ATP1B3: variants seen among roughly 807,000 people sequenced by gnomAD.
ATP1B3 encodes ATPase Na+/K+ transporting subunit beta 3, also known as sodium/potassium-transporting ATPase subunit beta-3.
ATP1B3 carries 10 observed loss-of-function variants against 30.2 expected under a neutral mutation model. The ratio of observed to expected loss-of-function variants is 0.33; its 90% CI spans 0.20 to 0.56. ATP1B3 has a LOEUF of 0.56. Among genes scored for constraint, ATP1B3 ranks in the 20% least tolerant of loss-of-function variants. ATP1B3 has a pLI of 0.90. For synonymous variants in ATP1B3, 113 were observed against 117.0 expected (o/e 0.97, Z 0.22); for missense variants, 238 against 336.7 (o/e 0.71, Z 2.29).
At chr3:141,901,771 A>G (rs1377349668) in intron 1 of ATP1B3, among the ~76,000 whole-genome samples, 1 of 152,254 alleles carries the variant, frequency 6.6e-6, no homozygotes, top group Non-Finnish European at 1.5e-5. Context: ...TGTTCAAAAC[A>G]GTATTGTAAC....
intron 1 of ATP1B3, among the ~76,000 whole-genome samples, chr3:141,890,210 G>A (rs1196481231): frequency 2.1e-5 from 3 of 139,692 alleles, no homozygotes; most frequent in Non-Finnish European, 4.6e-5. Flanking sequence ...CGCCTCCTGA[G>A]TAGCTGGGAC....
intron 1 of ATP1B3, among the ~76,000 whole-genome samples, chr3:141,890,851 G>A (rs1933938649): frequency 6.6e-6 from 1 of 152,210 alleles, no homozygotes; most frequent in African/African-American, 2.4e-5. Flanking sequence ...GGGATCACAG[G>A]GGTGAGTCAC....
chr3:141,883,199 G>T (rs1417483598), intron 1 of ATP1B3, among the ~76,000 whole-genome samples: 1 of 152,070 alleles, frequency 6.6e-6, no homozygotes, highest in Non-Finnish European at 1.5e-5. Context: ...ACTCCTCTTT[G>T]CATTAAGGCC....
intron 6 of ATP1B3, 137 bp from the exon 7 acceptor site, chr3:141,925,394 A>G: frequency 6.1e-6 from 5 of 819,724 alleles, no homozygotes; most frequent in Non-Finnish European, 7.3e-6. Flanking sequence ...GGCTTCAATG[A>G]GCCATAATTG....
intron 3 of ATP1B3, among the ~76,000 whole-genome samples, chr3:141,910,514 TCATTATTGG>T (rs1934339870): frequency 6.6e-6 from 1 of 152,204 alleles, no homozygotes; most frequent in Non-Finnish European, 1.5e-5. Context: ...ATTTTTAGTT[TCATTATTGG>T]TTGCCTTTTT....
rs560767846 is a variant in ATP1B3, at chr3:141,910,402, C to T, written c.346+3128C>T. 2.6e-4 allele frequency among the ~76,000 whole-genome samples: 39 copies of T among 152,102 alleles called. No homozygotes were observed. In the South Asian group the frequency reaches 7.9e-3, roughly 31 times the overall value. On this transcript the variant is annotated intron_variant, in intron 3 of 6. Transcript: ENST00000286371. ...TTGACTTTTTACTTTTCTACATTAT[C>T]ACTTTTCTTTATTAATTATTATTTA...
At chr3:141,924,076 G>C (rs1454507388) in intron 6 of ATP1B3, among the ~76,000 whole-genome samples, 1 of 152,234 alleles carries the variant, frequency 6.6e-6, no homozygotes, top group African/African-American at 2.4e-5. Context: ...TGGCACGGTG[G>C]CTCACGCCTG....
rs569064814 is a variant in ATP1B3 at position 141,924,850 on chromosome 3, G to A, written c.670-681G>A. 2.0e-5 allele frequency among the ~76,000 whole-genome samples: 3 copies of A among 152,246 alleles called. No homozygotes were observed. In the East Asian group the frequency reaches 5.8e-4, roughly 29 times the overall value. On this transcript the variant is annotated intron_variant, in intron 6 of 6. Coordinates refer to ENST00000286371, the MANE Select transcript of ATP1B3 (RefSeq NM_001679.4). ...TGCCTGTAATCCCACCTACTTGGGA[G>A]GTTGAGGCAGGAGAATCACTTGAAC...
chr3:141,879,204 T>G (rs929908108), intron 1 of ATP1B3, among the ~76,000 whole-genome samples: 1 of 152,204 alleles, frequency 6.6e-6, no homozygotes, highest in African/African-American at 2.4e-5. Flanking sequence ...TCTGAGTATA[T>G]TGTGGGCATC....
At chr3:141,895,970 A>G (rs532071192) in intron 1 of ATP1B3, among the ~76,000 whole-genome samples, 2 of 152,194 alleles carry the variant, frequency 1.3e-5, no homozygotes, top group African/African-American at 4.8e-5. Context: ...CTGGTGACTA[A>G]TGATTTGGAA....
chr3:141,887,860 T>C (rs1202669258), intron 1 of ATP1B3, among the ~76,000 whole-genome samples: 1 of 152,104 alleles, frequency 6.6e-6, no homozygotes, highest in Non-Finnish European at 1.5e-5. Flanking sequence ...TTCTTACCTA[T>C]GCTGGAAAAA....
chr3:141,908,405 C>T (rs1367366373), intron 3 of ATP1B3, among the ~76,000 whole-genome samples: 2 of 152,082 alleles, frequency 1.3e-5, no homozygotes, highest in Non-Finnish European at 2.9e-5. Flanking sequence ...GCAACTGCTC[C>T]CTAGAACATT....
At chr3:141,912,635 G>A (rs2107776460) in intron 3 of ATP1B3, among the ~76,000 whole-genome samples, 1 of 152,172 alleles carries the variant, frequency 6.6e-6, no homozygotes, top group South Asian at 2.1e-4. Flanking sequence ...TTCTTCCTGA[G>A]GCACTGTTAT....
Position 141,883,960 on chromosome 3 carries a change from A to C in ATP1B3, c.109+7050A>C, listed in dbSNP as rs111906151. Reference sequence around the variant, plus strand: ...ACATGCCTGGATCACGCATCTGATAATAGTGACAGAACCAGGGCAAAATTT... The same window carrying C: ...ACATGCCTGGATCACGCATCTGATACTAGTGACAGAACCAGGGCAAAATTT... On this transcript the variant is annotated intron_variant, in intron 1 of 6. Transcript: ENST00000286371. 8.8e-3 allele frequency among the ~76,000 whole-genome samples: 1,342 copies of C among 152,302 alleles called. 24 individuals carry two copies. The highest frequency in any genetic ancestry group is 0.03 in the African/African-American group (1,264 of 41,558).
chr3:141,924,736 C>G (rs1934623900), intron 6 of ATP1B3, among the ~76,000 whole-genome samples: 1 of 151,912 alleles, frequency 6.6e-6, no homozygotes, highest in Admixed American at 6.6e-5. Context: ...GTGGACAGAT[C>G]ACGAGGTCAG....
At chr3:141,925,399 T>G in intron 6 of ATP1B3, 132 bp from the exon 7 acceptor site, 1 of 892,836 alleles carries the variant, frequency 1.1e-6, no homozygotes, top group South Asian at 1.9e-5. Flanking sequence ...CAATGAGCCA[T>G]AATTGCACCA....
intron 3 of ATP1B3, 68 bp from the exon 4 acceptor site, chr3:141,913,584 A>T: frequency 7.7e-7 from 1 of 1,297,068 alleles, no homozygotes; most frequent in South Asian, 1.6e-5. Flanking sequence ...TCCAAAGGTT[A>T]ATATATTCCT....
intron 1 of ATP1B3, among the ~76,000 whole-genome samples, chr3:141,899,357 A>G (rs1470925247): frequency 6.6e-6 from 1 of 152,226 alleles, no homozygotes; most frequent in African/African-American, 2.4e-5. Context: ...ACAGAATGCT[A>G]GTTTATTTAC....
intron 1 of ATP1B3, among the ~76,000 whole-genome samples, chr3:141,885,919 A>ACACACC (rs1933823179): frequency 6.8e-6 from 1 of 147,474 alleles, no homozygotes; most frequent in African/African-American, 2.6e-5. Flanking sequence ...ACACACACAC[A>ACACACC]CACACCCCTG....
Sources: gnomAD v4.1 joint callset for allele counts (sites outside exome capture counted in the v4.1 genomes callset) on GRCh38, gnomAD v4.1.1 for gene constraint, MANE v1.5 for transcripts, NCBI Gene and HGNC (gene_info 2026-07-23, HGNC 2026-07-21) for gene names.